Variants in FILIP1L observed in about 807,000 individuals in gnomAD.
The protein encoded by FILIP1L is filamin A-interacting protein 1-like.
In FILIP1L, 55 loss-of-function variants were observed where a neutral mutation model predicts 96.6. That is an observed-to-expected ratio of 0.57 (90% CI 0.46 to 0.71). FILIP1L has a LOEUF of 0.71. Ranked by LOEUF, FILIP1L falls within the 30% of genes least tolerant of loss-of-function variation. The probability of loss-of-function intolerance (pLI) is 0.00; values close to 1 mark genes in which losing one functional copy is unlikely to be tolerated. For missense variants in FILIP1L, 1,304 were observed against 1,321.2 expected (o/e 0.99, Z 0.20); for synonymous variants, 467 against 473.9 (o/e 0.99, Z 0.19).
chr3:100,012,906 T>C lies in FILIP1L; in HGVS notation c.-10-81876A>G, dbSNP rs1710202819. 2.0e-5 allele frequency among the ~76,000 whole-genome samples: 3 copies of C among 151,992 alleles called. No homozygotes were observed. In the South Asian group the frequency reaches 6.2e-4, roughly 32 times the overall value. ...CTCCCATCTCAGCCTCCTAAGTAGC[T>C]AGGATTACAGACTGTGCCACCACAC... On this transcript the variant is annotated intron_variant, in intron 1 of 5. Coordinates refer to ENST00000477258, the MANE Select transcript of FILIP1L (RefSeq NM_001387850.1).
chr3:100,026,521 G>C (rs1046175359), intron 1 of FILIP1L, among the ~76,000 whole-genome samples: 1 of 152,088 alleles, frequency 6.6e-6, no homozygotes. Context: ...CCAGTATTTT[G>C]AGAGGAGCTG....
chr3:99,872,091 C>T (rs892141347), intron 4 of FILIP1L, among the ~76,000 whole-genome samples: 10 of 152,212 alleles, frequency 6.6e-5, no homozygotes, highest in Non-Finnish European at 1.0e-4. Flanking sequence ...TAAGGAAAAA[C>T]TACTGGTGAG....
At chr3:100,071,161 C>T (rs923506463) in intron 1 of FILIP1L, among the ~76,000 whole-genome samples, 1 of 148,042 alleles carries the variant, frequency 6.8e-6, no homozygotes, top group Non-Finnish European at 1.5e-5. Context: ...ATAATTACCC[C>T]CTATTTCAGA....
chr3:99,830,617 CAA>C lies in FILIP1L; in HGVS notation c.3382-14_3382-13del, dbSNP rs1161092314. The stretch of plus-strand genomic sequence containing the variant: ...CATACCTCCTTGATCTTGAATTAAA[CAA>C]GAGAACAAAAGGTAATTAATGGTAC... On this transcript the variant is annotated splice_polypyrimidine_tract_variant and intron_variant, in intron 5 of 5. Coordinates refer to ENST00000477258, the MANE Select transcript of FILIP1L (RefSeq NM_001387850.1). 12 of 456,240 alleles carry C rather than the reference CAA, an allele frequency of 2.6e-5. 1 individual carries two copies. Among genetic ancestry groups the C allele is most frequent in the South Asian group, 1.9e-4 (12 of 64,550 alleles). The allele number at this position is 456,240 out of a possible 1,614,324, so 28.3% of individuals were successfully genotyped here. A position where few individuals can be genotyped will look rare whatever the true frequency, so the allele number is the denominator to read the frequency against.
At chr3:99,869,244 T>G (rs953858177) in intron 4 of FILIP1L, among the ~76,000 whole-genome samples, 22 of 152,194 alleles carry the variant, frequency 1.4e-4, no homozygotes, top group African/African-American at 4.8e-4. Context: ...CCAGAGAATC[T>G]TAACTTTGCC....
intron 1 of FILIP1L, among the ~76,000 whole-genome samples, chr3:100,072,733 T>C (rs766755281): frequency 1.3e-5 from 2 of 152,212 alleles, no homozygotes; most frequent in African/African-American, 2.4e-5. Context: ...TGAGGACTTA[T>C]CACCTGACCT....
At chr3:100,096,858 T>C (rs1285352257) in intron 1 of FILIP1L, among the ~76,000 whole-genome samples, 1 of 152,080 alleles carries the variant, frequency 6.6e-6, no homozygotes, top group Non-Finnish European at 1.5e-5. Context: ...CTTTCCTGTA[T>C]CAAAATATCT....
At chr3:100,058,460 T>C (rs1211122044) in intron 1 of FILIP1L, among the ~76,000 whole-genome samples, 3 of 152,232 alleles carry the variant, frequency 2.0e-5, no homozygotes, top group Admixed American at 6.5e-5. Flanking sequence ...AGTCTGTTCT[T>C]GGGTGCTTCT....
intron 4 of FILIP1L, among the ~76,000 whole-genome samples, chr3:99,880,845 GCAT>G (rs1379691558): frequency 1.3e-5 from 2 of 152,060 alleles, no homozygotes; most frequent in African/African-American, 4.8e-5. Flanking sequence ...CATTTATAAA[GCAT>G]CATTTTCGTA....
At chr3:100,052,264 A>G (rs908480350) in intron 1 of FILIP1L, among the ~76,000 whole-genome samples, 2 of 152,246 alleles carry the variant, frequency 1.3e-5, no homozygotes, top group East Asian at 3.8e-4. Context: ...TTGCATGAGC[A>G]GACATGGCAC....
At chr3:100,021,912 C>T (rs1200862646) in intron 1 of FILIP1L, among the ~76,000 whole-genome samples, 2 of 113,066 alleles carry the variant, frequency 1.8e-5, no homozygotes, top group Non-Finnish European at 3.5e-5. Flanking sequence ...ATGCTAGATC[C>T]CATTGTGTGT....
intron 1 of FILIP1L, among the ~76,000 whole-genome samples, chr3:100,112,414 A>G (rs2066507133): frequency 6.6e-6 from 1 of 152,206 alleles, no homozygotes; most frequent in African/African-American, 2.4e-5. Context: ...CACTCTATTA[A>G]AGGCACCATC....
chr3:100,072,756 T>C (rs1291875309), intron 1 of FILIP1L, among the ~76,000 whole-genome samples: 1 of 152,194 alleles, frequency 6.6e-6, no homozygotes, highest in East Asian at 1.9e-4. Flanking sequence ...CTTGATAATG[T>C]ATAGTTATTT....
chr3:100,052,672 T>C (rs890574954), intron 1 of FILIP1L, among the ~76,000 whole-genome samples: 10 of 152,232 alleles, frequency 6.6e-5, no homozygotes, highest in African/African-American at 1.7e-4. Flanking sequence ...ATGCAATGTT[T>C]CTTTCTATAA....
At chr3:99,965,023 G>A (rs888638568) in intron 1 of FILIP1L, among the ~76,000 whole-genome samples, 4 of 152,124 alleles carry the variant, frequency 2.6e-5, no homozygotes, top group Non-Finnish European at 4.4e-5. Context: ...AGATACTGCT[G>A]TATCTGTAAA....
chr3:100,047,618 A>G (rs1559738679), intron 1 of FILIP1L, among the ~76,000 whole-genome samples: 1 of 152,212 alleles, frequency 6.6e-6, no homozygotes, highest in Non-Finnish European at 1.5e-5. Context: ...GCAAACAGTG[A>G]TTCAACTGCA....
intron 1 of FILIP1L, among the ~76,000 whole-genome samples, chr3:100,029,201 T>C (rs1463016037): frequency 1.3e-5 from 2 of 151,872 alleles, no homozygotes; most frequent in East Asian, 3.8e-4. Flanking sequence ...TTTTCAGATT[T>C]ATTTGTCTAA....
intron 1 of FILIP1L, among the ~76,000 whole-genome samples, chr3:100,078,591 A>G (rs1335326248): frequency 6.6e-6 from 1 of 151,628 alleles, no homozygotes; most frequent in Non-Finnish European, 1.5e-5. Context: ...CTGATGAGGT[A>G]AAGAAAAAAA....
chr3:99,999,059 TA>T (rs2107158044), intron 1 of FILIP1L, among the ~76,000 whole-genome samples: 1 of 152,354 alleles, frequency 6.6e-6, no homozygotes, highest in South Asian at 2.1e-4. Context: ...TAGGCACTTG[TA>T]CTATGTACCT....
Sources: allele counts gnomAD v4.1 joint callset (sites outside exome capture counted in the v4.1 genomes callset), GRCh38; gene constraint gnomAD v4.1.1; transcripts MANE v1.5; gene names NCBI Gene and HGNC (gene_info 2026-07-23, HGNC 2026-07-21).